WDR20: variants seen among roughly 807,000 people sequenced by gnomAD.
WDR20 encodes the protein WD repeat-containing protein 20.
Under a neutral mutation model 38.7 loss-of-function variants are expected in WDR20, and 3 were observed. The ratio of observed to expected loss-of-function variants is 0.08; its 90% CI spans 0.04 to 0.20. WDR20 has a LOEUF of 0.20. WDR20 is among the 10% of genes least tolerant of loss of function. The pLI, the probability that WDR20 is intolerant of heterozygous loss-of-function variation, is 1.00. For synonymous variants in WDR20, 298 were observed against 285.6 expected (o/e 1.04, Z -0.44); for missense variants, 559 against 727.7 (o/e 0.77, Z 2.67).
intron 2 of WDR20, among the ~76,000 whole-genome samples, chr14:102,200,782 C>T (rs767521407): frequency 2.6e-5 from 4 of 152,336 alleles, no homozygotes; most frequent in East Asian, 1.9e-4. Context: ...CTTCTCCTCT[C>T]GCAGGCTGTG....
At chr14:102,142,774 C>CTGT (rs1193456475) in intron 1 of WDR20, among the ~76,000 whole-genome samples, 6,038 of 84,988 alleles carry the variant, frequency 0.071, 488 homozygotes, top group African/African-American at 0.23. Flanking sequence ...GCTGTTTTGA[C>CTGT]TTTTTTTTTT....
intron 1 of WDR20, among the ~76,000 whole-genome samples, chr14:102,140,704 A>G (rs2050688176): frequency 6.6e-6 from 1 of 152,218 alleles, no homozygotes; most frequent in African/African-American, 2.4e-5. Context: ...CTGCTGCCGC[A>G]CTGACACTTC....
intron 1 of WDR20, among the ~76,000 whole-genome samples, chr14:102,144,712 T>G (rs966021236): frequency 1.3e-5 from 2 of 151,942 alleles, no homozygotes; most frequent in African/African-American, 4.8e-5. Flanking sequence ...TTGTTTTTTT[T>G]TTTGTTTTTG....
chr14:102,169,313 A>G (rs181780592), intron 1 of WDR20, among the ~76,000 whole-genome samples: 2 of 152,116 alleles, frequency 1.3e-5, no homozygotes, highest in East Asian at 3.9e-4. Flanking sequence ...CACTGCCATC[A>G]CCTTTCCACC....
intron 1 of WDR20, among the ~76,000 whole-genome samples, chr14:102,170,623 T>TAAA (rs34007594): frequency 1.4e-5 from 2 of 146,766 alleles, no homozygotes; most frequent in African/African-American, 5.0e-5. Context: ...TTCTGGTCTT[T>TAAA]AAAAAAAAAA....
chr14:102,168,324 T>C (rs2060149926), intron 1 of WDR20, among the ~76,000 whole-genome samples: 1 of 151,988 alleles, frequency 6.6e-6, no homozygotes. Context: ...AAGATAAAAA[T>C]AGAGTAGTTT....
chr14:102,140,273 G>T, intron 1 of WDR20, 101 bp downstream of exon 1: 1 of 1,527,504 alleles, frequency 6.5e-7, no homozygotes, highest in Non-Finnish European at 8.8e-7. Context: ...GGTGGCCGTC[G>T]CTCTTACTTT....
intron 1 of WDR20, among the ~76,000 whole-genome samples, chr14:102,166,139 A>G (rs1255727016): frequency 8.2e-6 from 1 of 121,994 alleles, no homozygotes; most frequent in Admixed American, 1.1e-4. Context: ...AGATTGGACT[A>G]TAGGCGTGTA....
At chr14:102,139,478 C>T (rs571275764), upstream of WDR20, 53 of 1,425,232 alleles carry the variant, frequency 3.7e-5, no homozygotes, top group African/African-American at 6.4e-4. Flanking sequence ...TTCCTCCGCT[C>T]TTTGGGGTCC....
chr14:102,205,254 C>A (rs1310928858), intron 2 of WDR20, among the ~76,000 whole-genome samples: 1 of 146,188 alleles, frequency 6.8e-6, no homozygotes, highest in African/African-American at 2.7e-5. Flanking sequence ...GAGCGAGACC[C>A]TGTCTCAAAA....
chr14:102,139,609 G>A, upstream of WDR20: 3 of 665,222 alleles, frequency 4.5e-6, no homozygotes, highest in Non-Finnish European at 7.5e-6. Flanking sequence ...CCTGGCGGCT[G>A]CGGAACGGTC....
intron 1 of WDR20, among the ~76,000 whole-genome samples, chr14:102,146,360 T>A (rs1293205827): frequency 6.6e-6 from 1 of 152,074 alleles, no homozygotes; most frequent in African/African-American, 2.4e-5. Flanking sequence ...AGACAGGGTT[T>A]CAGCATCTTG....
chr14:102,207,937 C>T lies in WDR20; in HGVS notation c.433-666C>T, dbSNP rs951825388. Among the ~76,000 whole-genome samples, 2 of 152,164 alleles carry T rather than the reference C, an allele frequency of 1.3e-5. No individual in the cohort carries two copies. The highest frequency in any genetic ancestry group is 1.5e-5 in the Non-Finnish European group (1 of 68,036). ...AATCGTCAGTGTATCTCTCTCAACA[C>T]CAGCAGAGAGGGTTTCGAGGAGATG... On this transcript the variant is annotated intron_variant, in intron 2 of 2. Coordinates refer to ENST00000342702, the MANE Select transcript of WDR20 (RefSeq NM_144574.4). This position sits in a 1 kb window ranked among gnomAD's most constrained non-coding sequence, Gnocchi z 5.0.
chr14:102,197,989 G>A (rs769300302), intron 2 of WDR20: 5 of 519,402 alleles, frequency 9.6e-6, no homozygotes, highest in Non-Finnish European at 1.7e-5. Context: ...AGGGAAGAGA[G>A]GTATAATAGC....
chr14:102,201,120 C>T (rs554780639), intron 2 of WDR20, among the ~76,000 whole-genome samples: 53 of 152,346 alleles, frequency 3.5e-4, no homozygotes, highest in African/African-American at 1.2e-3. Context: ...AAACGACATC[C>T]GATCCCATCT....
chr14:102,195,300 C>T (rs375542185), intron 2 of WDR20, among the ~76,000 whole-genome samples, 180 bp downstream of exon 2: 3 of 152,162 alleles, frequency 2.0e-5, no homozygotes, highest in East Asian at 3.9e-4. Context: ...ACCTGTTCTT[C>T]CTTGGGGTGA....
At chr14:102,219,030 G>A (rs1197562591), downstream of WDR20, among the ~76,000 whole-genome samples, 1 of 152,192 alleles carries the variant, frequency 6.6e-6, no homozygotes, top group Non-Finnish European at 1.5e-5. Flanking sequence ...GCGGATTGGG[G>A]CAGCAGGGTC....
At chr14:102,184,492 CT>C (rs2064106921) in intron 1 of WDR20, among the ~76,000 whole-genome samples, 1 of 152,096 alleles carries the variant, frequency 6.6e-6, no homozygotes, top group East Asian at 1.9e-4. Flanking sequence ...ACTGAGGGTG[CT>C]AGGCCAGGGA....
intron 2 of WDR20, 125 bp downstream of exon 2, chr14:102,195,245 C>CT (rs1447655163): frequency 1.0e-6 from 1 of 991,940 alleles, no homozygotes; most frequent in Non-Finnish European, 1.5e-6. Context: ...GCCCTCCTAC[C>CT]TAGTATGCCC....
Sources: allele counts gnomAD v4.1 joint callset (sites outside exome capture counted in the v4.1 genomes callset), GRCh38; gene constraint gnomAD v4.1.1; non-coding constraint Gnocchi (gnomAD v3.1); transcripts MANE v1.5; gene names NCBI Gene and HGNC (gene_info 2026-07-23, HGNC 2026-07-21).